Variants in CSMD1 observed in about 807,000 individuals in gnomAD.
CSMD1 encodes CUB and sushi domain-containing protein 1.
In CSMD1, 213 loss-of-function variants were observed where a neutral mutation model predicts 417.5. The observed-to-expected ratio is 0.51, with a 90% CI of 0.46 to 0.57. The LOEUF (loss-of-function observed/expected upper bound fraction) is 0.57. Among genes scored for constraint, CSMD1 ranks in the 20% least tolerant of loss-of-function variants. The probability of loss-of-function intolerance (pLI) is 0.00; values close to 1 mark genes in which losing one functional copy is unlikely to be tolerated. For missense variants in CSMD1, 6,923 were observed against 4,529.7 expected (o/e 1.53, Z -15.17); for synonymous variants, 2,862 against 1,736.8 (o/e 1.65, Z -16.11).
intron 10 of CSMD1, among the ~76,000 whole-genome samples, chr8:3,549,010 C>G (rs1798796963): frequency 6.6e-6 from 1 of 152,122 alleles, no homozygotes; most frequent in African/African-American, 2.4e-5. Flanking sequence ...TCCTCACCCT[C>G]TAGCCTTGTT....
At chr8:3,212,741 G>C (rs756562805) in intron 30 of CSMD1, among the ~76,000 whole-genome samples, 1 of 152,032 alleles carries the variant, frequency 6.6e-6, no homozygotes, top group East Asian at 1.9e-4. Flanking sequence ...ATAAGAGAAT[G>C]GACTTAGAAA....
intron 2 of CSMD1, among the ~76,000 whole-genome samples, chr8:4,440,380 G>C (rs186953): frequency 6.6e-6 from 1 of 152,062 alleles, no homozygotes; most frequent in Non-Finnish European, 1.5e-5. Context: ...CAATGAATAA[G>C]GAGTCAGAGG....
At chr8:3,555,586 C>A (rs1799108890) in intron 10 of CSMD1, among the ~76,000 whole-genome samples, 1 of 152,148 alleles carries the variant, frequency 6.6e-6, no homozygotes, top group Non-Finnish European at 1.5e-5. Flanking sequence ...AAGTTTAGCT[C>A]ATTTTCTTTA....
intron 10 of CSMD1, among the ~76,000 whole-genome samples, chr8:3,529,766 T>C (rs944597559): frequency 3.0e-4 from 45 of 152,178 alleles, no homozygotes; most frequent in African/African-American, 1.0e-3. Flanking sequence ...GCAAAATGCA[T>C]CAACATACTT....
At chr8:4,787,524 C>G in intron 1 of CSMD1, 2 of 1,138,908 alleles carry the variant, frequency 1.8e-6, no homozygotes, top group South Asian at 2.6e-5. Context: ...TTATAGGAAG[C>G]AGGTATTAAA....
rs1199351387 is a variant in CSMD1, at chr8:4,894,698, CTGTG to C, written c.85+99630_85+99633del. ...GATTTAAGTCAAGTTATCTGAAAGACTGTGTGTGTGTGTGTGTGTGTGTGTCTGA... is the reference window on the plus strand; with the variant it reads ...GATTTAAGTCAAGTTATCTGAAAGACTGTGTGTGTGTGTGTGTGTGTCTGA... On this transcript the variant is annotated intron_variant, in intron 1 of 69. Coordinates refer to ENST00000635120, the MANE Select transcript of CSMD1 (RefSeq NM_033225.6). 1.6e-3 allele frequency among the ~76,000 whole-genome samples: 240 copies of C among 150,010 alleles called. 5 individuals carry two copies. Among genetic ancestry groups the C allele is most frequent in the African/African-American group, 5.8e-3 (234 of 40,692 alleles).
At chr8:4,251,748 T>C (rs891399311) in intron 3 of CSMD1, among the ~76,000 whole-genome samples, 2 of 151,914 alleles carry the variant, frequency 1.3e-5, no homozygotes, top group African/African-American at 4.8e-5. Context: ...TTGTGACATC[T>C]CACAAGTGTG....
At chr8:3,936,809 G>C (rs926098391) in intron 5 of CSMD1, among the ~76,000 whole-genome samples, 1 of 152,136 alleles carries the variant, frequency 6.6e-6, no homozygotes. Flanking sequence ...TAAGAAATAT[G>C]TTTCATAAGG....
intron 5 of CSMD1, among the ~76,000 whole-genome samples, chr8:3,789,366 C>T (rs1224151722): frequency 3.6e-5 from 5 of 137,888 alleles, no homozygotes; most frequent in African/African-American, 5.5e-5. Flanking sequence ...GCTTGTATTG[C>T]TAGTGTTTTT....
intron 1 of CSMD1, among the ~76,000 whole-genome samples, chr8:4,959,140 T>C (rs982470740): frequency 6.6e-6 from 1 of 152,224 alleles, no homozygotes; most frequent in African/African-American, 2.4e-5. Context: ...TATGAGAATT[T>C]GGAAAGAAAT....
At chr8:3,042,489 C>T (rs1811167119) in intron 50 of CSMD1, among the ~76,000 whole-genome samples, 1 of 151,912 alleles carries the variant, frequency 6.6e-6, no homozygotes, top group Non-Finnish European at 1.5e-5. Flanking sequence ...GGGATGGGAC[C>T]TTTGTTTGAC....
At position 4,445,412 on chromosome 8, in the gene CSMD1, A is replaced by G. The variant is rs57052455; in HGVS notation, c.303-25347T>C. On this transcript the variant is annotated intron_variant, in intron 2 of 69. Transcript: ENST00000635120. Reference sequence around the variant, plus strand: ...TTCTATGCTTTTGGATTATTCTAATACTATTTCTTACTGTACCAAATCGTC... The same window carrying G: ...TTCTATGCTTTTGGATTATTCTAATGCTATTTCTTACTGTACCAAATCGTC... Among the ~76,000 whole-genome samples the G allele has an allele frequency of 6.6e-3, 1,000 of 152,290 alleles. 13 individuals are homozygous for G. The highest frequency in any genetic ancestry group is 0.023 in the African/African-American group (953 of 41,574).
chr8:4,620,126 C>T (rs945700899), intron 2 of CSMD1, among the ~76,000 whole-genome samples: 2 of 151,770 alleles, frequency 1.3e-5, no homozygotes, highest in Non-Finnish European at 2.9e-5. Flanking sequence ...TAGGAGTATA[C>T]ATTTTTCCCT....
At chr8:3,480,898 T>C (rs970115815) in intron 11 of CSMD1, among the ~76,000 whole-genome samples, 1 of 152,008 alleles carries the variant, frequency 6.6e-6, no homozygotes, top group Non-Finnish European at 1.5e-5. Flanking sequence ...GGCTCACGCC[T>C]GTAATCCCAG....
intron 3 of CSMD1, among the ~76,000 whole-genome samples, chr8:4,038,175 T>G (rs1055449398): frequency 1.3e-5 from 2 of 152,158 alleles, no homozygotes; most frequent in Admixed American, 6.5e-5. Flanking sequence ...ATTTAGGGAT[T>G]GGGGATTTTT....
At chr8:4,528,030 G>C (rs920391602) in intron 2 of CSMD1, among the ~76,000 whole-genome samples, 9 of 152,118 alleles carry the variant, frequency 5.9e-5, no homozygotes, top group Non-Finnish European at 1.3e-4. Context: ...TCAGTGCTTT[G>C]GAAAACATGC....
At position 3,399,412 on chromosome 8, in the gene CSMD1, G is replaced by C. The variant is rs777769998; in HGVS notation, c.2384C>G (p.Ser795Cys). 6 of 1,605,762 alleles carry C rather than the reference G, an allele frequency of 3.7e-6. No homozygotes were observed. In the Admixed American group the frequency reaches 6.8e-5, roughly 18 times the overall value. The change falls in exon 16 of 70, where the codon TCT becomes TGT. Residue 795 changes from serine to cysteine, a missense_variant. Coordinates refer to ENST00000635120, the MANE Select transcript of CSMD1 (RefSeq NM_033225.6). The stretch of plus-strand genomic sequence containing the variant: ...TTACCTGTCAAAAGTTATTTTGATA[G>C]AGTGGCCTGGTTTTGCTTCAATTAT... Reference protein sequence around the residue: ...EWIIEAKPGHSIKITFDRFQT... With the variant: ...EWIIEAKPGHCIKITFDRFQT...
At chr8:4,802,442 C>A (rs28668596) in intron 1 of CSMD1, among the ~76,000 whole-genome samples, 8,427 of 151,886 alleles carry the variant, frequency 0.055, 396 homozygotes, top group East Asian at 0.23. Flanking sequence ...ATCATGTGTG[C>A]CATCTCACAG....
At chr8:3,367,608 T>C (rs1809681823) in intron 19 of CSMD1, among the ~76,000 whole-genome samples, 1 of 152,028 alleles carries the variant, frequency 6.6e-6, no homozygotes, top group East Asian at 1.9e-4. Context: ...GGAAAATTGG[T>C]GGAAAGAGGA....
Sources: allele counts gnomAD v4.1 joint callset (sites outside exome capture counted in the v4.1 genomes callset), GRCh38; gene constraint gnomAD v4.1.1; transcripts MANE v1.5; gene names NCBI Gene and HGNC (gene_info 2026-07-23, HGNC 2026-07-21).